COG6: variants seen among roughly 807,000 people sequenced by gnomAD.
COG6 encodes component of oligomeric golgi complex 6.
Under a neutral mutation model 88.8 loss-of-function variants are expected in COG6, and 74 were observed. The observed-to-expected ratio is 0.83, with a 90% CI of 0.69 to 1.01. The LOEUF is 1.01. Among genes scored for constraint, COG6 ranks in the 50% least tolerant of loss-of-function variants. COG6 has a pLI of 0.00. For synonymous variants in COG6, 286 were observed against 278.7 expected (o/e 1.03, Z -0.26); for missense variants, 800 against 797.9 (o/e 1.00, Z -0.03).
chr13:39,742,594 A>T (rs1431242239), intron 18 of COG6, among the ~76,000 whole-genome samples: 2 of 152,162 alleles, frequency 1.3e-5, no homozygotes, highest in African/African-American at 4.8e-5. Flanking sequence ...GAGCACCCAG[A>T]TTCATAAAGC....
chr13:39,668,926 G>A (rs1473267480), intron 4 of COG6, among the ~76,000 whole-genome samples: 1 of 152,056 alleles, frequency 6.6e-6, no homozygotes, highest in Non-Finnish European at 1.5e-5. Context: ...CTATCTACCT[G>A]TCTTATTCAG....
chr13:39,728,482 T>C (rs1879257690), intron 18 of COG6, among the ~76,000 whole-genome samples: 1 of 152,136 alleles, frequency 6.6e-6, no homozygotes, highest in Admixed American at 6.5e-5. Context: ...TTTTTTTTTT[T>C]TTCTCAGACA....
In COG6 at chr13:39,751,253, A is replaced by G. The variant is rs1326841877; in HGVS notation, c.*160A>G. 1.3e-6 allele frequency: 2 copies of G among 1,515,112 alleles called. No homozygotes were observed. Among genetic ancestry groups the G allele is most frequent in the Admixed American group, 4.0e-5 (2 of 49,902 alleles). 93.9% of individuals were successfully genotyped at this position (1,515,112 alleles called of 1,614,324 possible). On this transcript the variant is annotated 3_prime_UTR_variant, in exon 19 of 19. Transcript: ENST00000455146. ...TTTTTTTTTTTTTGGTCTCAGTAACAGGGAAGTAAGTAACATGTTGACCTG... is the reference window on the plus strand; with the variant it reads ...TTTTTTTTTTTTTGGTCTCAGTAACGGGGAAGTAAGTAACATGTTGACCTG...
chr13:39,779,439 T>C (rs1473951226), intron 18 of COG6, among the ~76,000 whole-genome samples: 1 of 152,226 alleles, frequency 6.6e-6, no homozygotes, highest in Non-Finnish European at 1.5e-5. Flanking sequence ...GATACTGTTT[T>C]GCCTAGGCTG....
Position 39,655,753 on chromosome 13 carries a change from C to T in COG6, c.27C>T (p.Val9=). The T allele has an allele frequency of 6.3e-7, 1 of 1,594,530 alleles. No individual in the cohort carries two copies. The highest frequency in any genetic ancestry group is 8.5e-7 in the Non-Finnish European group (1 of 1,170,630). ...TGGCAGAGGGCAGCGGGGAAGTGGT[C>T]GCAGTGTCTGCGACCGGGGCTGCCA... The part of the protein sequence containing the change: MAEGSGEV[V]AVSATGAANG... The change falls in exon 1 of 19, where the codon GTC becomes GTT. Residue 9 remains valine, a synonymous_variant. Transcript: ENST00000455146.
At chr13:39,779,995 A>C (rs1283834313) in intron 18 of COG6, among the ~76,000 whole-genome samples, 1 of 152,232 alleles carries the variant, frequency 6.6e-6, no homozygotes, top group African/African-American at 2.4e-5. Context: ...TGATGGATGA[A>C]GAATGAATAG....
chr13:39,766,444 C>T (rs1010332292), intron 18 of COG6, among the ~76,000 whole-genome samples: 1 of 152,124 alleles, frequency 6.6e-6, no homozygotes, highest in African/African-American at 2.4e-5. Flanking sequence ...CCCAAAAAAA[C>T]CTGGGGGAAC....
chr13:39,690,729 T>A (rs1876934930), intron 11 of COG6, among the ~76,000 whole-genome samples: 1 of 152,060 alleles, frequency 6.6e-6, no homozygotes, highest in Non-Finnish European at 1.5e-5. Flanking sequence ...TTGGTGACAA[T>A]TGATTATATT....
intron 1 of COG6, among the ~76,000 whole-genome samples, chr13:39,658,963 A>G (rs1020107905): frequency 3.9e-5 from 6 of 152,170 alleles, no homozygotes; most frequent in Admixed American, 3.3e-4. Flanking sequence ...TAAGTTTTTA[A>G]CTGTTGGTAT....
chr13:39,772,221 C>T (rs1329295348), intron 18 of COG6, among the ~76,000 whole-genome samples: 2 of 152,232 alleles, frequency 1.3e-5, no homozygotes, highest in Admixed American at 1.3e-4. Context: ...TGCTTAACCT[C>T]TTACAGTAGT....
At chr13:39,668,234 A>G (rs7326699) in intron 4 of COG6, among the ~76,000 whole-genome samples, 108,811 of 151,976 alleles carry the variant, frequency 0.72, 39,320 homozygotes, top group Admixed American at 0.81. Context: ...TTTTTGATTA[A>G]TGACTCAGTA....
At chr13:39,724,635 AT>A in intron 17 of COG6, 74 bp downstream of exon 17, 1 of 1,152,244 alleles carries the variant, frequency 8.7e-7, no homozygotes, top group East Asian at 2.3e-5. Context: ...CTGTGTGATA[AT>A]TTCATTCTGG....
chr13:39,694,565 C>A, intron 11 of COG6, 69 bp from the exon 12 acceptor site: 1 of 919,460 alleles, frequency 1.1e-6, no homozygotes, highest in Non-Finnish European at 1.8e-6. Context: ...CTATTCATAC[C>A]ATATGTTATT....
chr13:39,708,206 C>T (rs1878046784), intron 13 of COG6, among the ~76,000 whole-genome samples: 5 of 152,096 alleles, frequency 3.3e-5, no homozygotes. Context: ...AAGACTGTTG[C>T]AGAGAGTCCT....
intron 2 of COG6, among the ~76,000 whole-genome samples, chr13:39,660,590 C>T (rs1009172818): frequency 6.6e-5 from 10 of 152,156 alleles, no homozygotes; most frequent in Non-Finnish European, 1.3e-4. Context: ...TGTTTTCCTG[C>T]GGTCATATTC....
chr13:39,675,791 A>G (rs1224331526), intron 4 of COG6, among the ~76,000 whole-genome samples: 1 of 152,126 alleles, frequency 6.6e-6, no homozygotes, highest in African/African-American at 2.4e-5. Context: ...TTTATTTCAC[A>G]TGGTTAATTT....
At chr13:39,656,183 C>G (rs1012444153) in intron 1 of COG6, 3 of 550,706 alleles carry the variant, frequency 5.4e-6, no homozygotes, top group Middle Eastern at 2.8e-4. Flanking sequence ...CTCCAAACAC[C>G]CCTGGAGGCG....
intron 3 of COG6, among the ~76,000 whole-genome samples, chr13:39,662,142 AT>A (rs10629485): frequency 0.062 from 8,050 of 130,500 alleles, 228 homozygotes; most frequent in Non-Finnish European, 0.092. Flanking sequence ...TGTCCTTTGT[AT>A]TTTTTTTTTT....
At chr13:39,756,167 A>G (rs958532471), downstream of COG6, among the ~76,000 whole-genome samples, 1 of 152,212 alleles carries the variant, frequency 6.6e-6, no homozygotes, top group African/African-American at 2.4e-5. Context: ...TTTTTAATAC[A>G]TTTATAATTT....
Sources: allele counts gnomAD v4.1 joint callset (sites outside exome capture counted in the v4.1 genomes callset), GRCh38; gene constraint gnomAD v4.1.1; transcripts MANE v1.5; gene names NCBI Gene and HGNC (gene_info 2026-07-23, HGNC 2026-07-21).